Variants in TMEM255B observed in about 807,000 individuals in gnomAD.
TMEM255B encodes the protein family with sequence similarity 70, member B.
TMEM255B carries 35 observed loss-of-function variants against 34.5 expected under a neutral mutation model. The observed-to-expected ratio is 1.01, with a 90% CI of 0.77 to 1.34. The LOEUF (loss-of-function observed/expected upper bound fraction) is 1.34. Ranked by LOEUF, TMEM255B falls within the 40% of genes most tolerant of loss-of-function variation. TMEM255B has a pLI of 0.00. For missense variants in TMEM255B, 432 were observed against 433.2 expected, an observed-to-expected ratio of 1.00 and a Z score of 0.02; for synonymous variants, 206 against 201.2, an observed-to-expected ratio of 1.02 and a Z score of -0.20.
intron 8 of TMEM255B, among the ~76,000 whole-genome samples, chr13:113,805,875 G>A (rs910542891): frequency 2.6e-5 from 4 of 152,220 alleles, no homozygotes; most frequent in East Asian, 1.9e-4. Context: ...CCACATGCCC[G>A]GCTGACTGGC....
At chr13:113,809,474 G>A (rs1402988100) in intron 8 of TMEM255B, among the ~76,000 whole-genome samples, 1 of 85,080 alleles carries the variant, frequency 1.2e-5, no homozygotes, top group Non-Finnish European at 2.2e-5. Flanking sequence ...GTTCCTGGGG[G>A]TTTAACTCTG....
chr13:113,784,507 C>CAGAG (rs1003761208), intron 3 of TMEM255B, among the ~76,000 whole-genome samples: 7 of 146,758 alleles, frequency 4.8e-5, no homozygotes, highest in Non-Finnish European at 9.0e-5. Context: ...GTGAGGAAGA[C>CAGAG]AGAGAGAGAG....
At chr13:113,771,150 C>A (rs1156884584) in intron 3 of TMEM255B, among the ~76,000 whole-genome samples, 2 of 152,130 alleles carry the variant, frequency 1.3e-5, no homozygotes, top group Admixed American at 1.3e-4. Flanking sequence ...CTTCTCTTAG[C>A]ACCCTACCTA....
chr13:113,774,979 TCACA>T (rs534203606), intron 3 of TMEM255B, among the ~76,000 whole-genome samples: 1 of 87,952 alleles, frequency 1.1e-5, no homozygotes, highest in African/African-American at 4.4e-5. Flanking sequence ...ACAATGCACA[TCACA>T]CACACCACAC....
chr13:113,787,431 G>A (rs1054431766), intron 3 of TMEM255B, among the ~76,000 whole-genome samples: 2 of 152,222 alleles, frequency 1.3e-5, no homozygotes, highest in African/African-American at 2.4e-5. Flanking sequence ...CCTGAGTGGT[G>A]CGGCTTCTCT....
At chr13:113,793,541 G>C (rs1343795443) in intron 3 of TMEM255B, among the ~76,000 whole-genome samples, 4 of 152,134 alleles carry the variant, frequency 2.6e-5, no homozygotes, top group African/African-American at 9.7e-5. Flanking sequence ...TGCCGGTCTG[G>C]GACCCACCCA....
chr13:113,763,739 G>A (rs2050344439), intron 1 of TMEM255B, among the ~76,000 whole-genome samples: 1 of 152,218 alleles, frequency 6.6e-6, no homozygotes, highest in African/African-American at 2.4e-5. Context: ...CTTCTGAGCA[G>A]CGTAAAAATC....
intron 3 of TMEM255B, among the ~76,000 whole-genome samples, chr13:113,777,523 T>TCTCTGGGGGCAGCTCCCCCAGCGCTGTGC: frequency 6.6e-6 from 1 of 152,242 alleles, no homozygotes; most frequent in East Asian, 1.9e-4. Context: ...CCCGGCTGTG[T>TCTCTGGGGGCAGCTCCCCCAGCGCTGTGC]CTCTGGGGGC....
chr13:113,799,230 C>T (rs2050996781), intron 4 of TMEM255B, 109 bp from the exon 5 acceptor site: 1 of 993,392 alleles, frequency 1.0e-6, no homozygotes, highest in Admixed American at 2.1e-5. Flanking sequence ...TGGTGTTGGC[C>T]TTGGTCCTTG....
chr13:113,777,167 A>G (rs1427415813), intron 3 of TMEM255B, among the ~76,000 whole-genome samples: 1 of 151,780 alleles, frequency 6.6e-6, no homozygotes, highest in Non-Finnish European at 1.5e-5. Context: ...TTCTGTGGCC[A>G]CTCCGCAGGG....
chr13:113,812,176 C>T lies in TMEM255B; in HGVS notation c.*273C>T, dbSNP rs1182961646. The T allele has an allele frequency of 1.2e-5, 6 of 510,356 alleles. No homozygotes were observed. The highest frequency in any genetic ancestry group is 1.7e-5 in the Non-Finnish European group (5 of 292,304). 31.6% of individuals were successfully genotyped at this position (510,356 alleles called of 1,614,324 possible). ...CCCACCCGGCCTCCTCCTCTGAGAG[C>T]AATTGTTCTGGTGTTTTCACATCCC... is the stretch of plus-strand genomic sequence containing the variant. On this transcript the variant is annotated 3_prime_UTR_variant, in exon 9 of 9. Coordinates refer to ENST00000375353, the MANE Select transcript of TMEM255B (RefSeq NM_182614.4).
chr13:113,815,045 G>A lies in TMEM255B; in HGVS notation c.*3142G>A, dbSNP rs1440263219. ...TGTGACTGAGGAGGGCAGGGTCAGAGCATTGCCCTGGGCAGGGGTCCGTTG... is the reference window on the plus strand; with the variant it reads ...TGTGACTGAGGAGGGCAGGGTCAGAACATTGCCCTGGGCAGGGGTCCGTTG... On this transcript the variant is annotated 3_prime_UTR_variant, in exon 9 of 9. Transcript: ENST00000375353. The A allele has an allele frequency of 6.6e-6, 1 of 152,124 alleles. No homozygotes were observed. Among genetic ancestry groups the A allele is most frequent in the African/African-American group, 2.4e-5 (1 of 41,392 alleles). 9.4% of individuals were successfully genotyped at this position (152,124 alleles called of 1,614,324 possible).
rs753006616 is a variant in TMEM255B, at chr13:113,799,907, G to C, written c.423+488G>C. 62 of 1,243,752 alleles carry C rather than the reference G, an allele frequency of 5.0e-5. 1 individual carries two copies. Among genetic ancestry groups the C allele is most frequent in the Non-Finnish European group, 6.3e-5 (59 of 932,700 alleles). 77.0% of individuals were successfully genotyped at this position (1,243,752 alleles called of 1,614,324 possible). On this transcript the variant is annotated intron_variant, in intron 5 of 8. Coordinates refer to ENST00000375353, the MANE Select transcript of TMEM255B (RefSeq NM_182614.4). ...GCACAGCTCTGTGACGGCGCTCTCTGTGTGTCTCGCACCTGCCCTGTGTGG... is the reference window on the plus strand; with the variant it reads ...GCACAGCTCTGTGACGGCGCTCTCTCTGTGTCTCGCACCTGCCCTGTGTGG...
intron 2 of TMEM255B, among the ~76,000 whole-genome samples, chr13:113,767,402 T>C (rs1299721996): frequency 1.3e-5 from 2 of 152,232 alleles, no homozygotes; most frequent in Non-Finnish European, 2.9e-5. Context: ...TTCTGCTTCC[T>C]GGGCAGAAAG....
chr13:113,797,225 C>T (rs1228576139), intron 4 of TMEM255B, among the ~76,000 whole-genome samples: 2 of 152,248 alleles, frequency 1.3e-5, no homozygotes, highest in Non-Finnish European at 2.9e-5. Context: ...CAAAGCAGGG[C>T]CCCTGGCCGG....
chr13:113,769,297 G>C lies in TMEM255B; in HGVS notation c.252+137G>C. 2 of 885,676 alleles carry C rather than the reference G, an allele frequency of 2.3e-6. No individual in the cohort carries two copies. Among genetic ancestry groups the C allele is most frequent in the Non-Finnish European group, 3.7e-6 (2 of 547,324 alleles). The allele number at this position is 885,676 out of a possible 1,614,324, so 54.9% of individuals were successfully genotyped here. The stretch of plus-strand genomic sequence containing the variant: ...ACAGGACCAGCTCTGAGGTTCCCGG[G>C]CTGTGGCCTGCACAGTCCTGGATAC... On this transcript the variant is annotated intron_variant, in intron 3 of 8. Transcript: ENST00000375353. The surrounding 1 kb of genome is among the most constrained non-coding windows in gnomAD (Gnocchi z 4.2).
At position 113,813,005 on chromosome 13, in the gene TMEM255B, A is replaced by ACGGGTCCCGG. The variant is rs2051356833; in HGVS notation, c.*1102_*1103insCGGGTCCCGG. The ACGGGTCCCGG allele has an allele frequency of 2.9e-5, 3 of 104,124 alleles. No homozygotes were observed. The highest frequency in any genetic ancestry group is 3.1e-4 in the South Asian group (1 of 3,250). The allele number at this position is 104,124 out of a possible 1,614,324, so 6.5% of individuals were successfully genotyped here. On this transcript the variant is annotated 3_prime_UTR_variant, in exon 9 of 9. Transcript: ENST00000375353. ...GGTCCCGGGTGGGTCACGGGTCCCGAGTGGGTCACGGGTCCCGGGTGGGTC... is the reference window on the plus strand; with the variant it reads ...GGTCCCGGGTGGGTCACGGGTCCCGACGGGTCCCGGGTGGGTCACGGGTCCCGGGTGGGTC...
chr13:113,761,098 CTGAG>C, intron 1 of TMEM255B: 1 of 791,856 alleles, frequency 1.3e-6, no homozygotes, highest in South Asian at 5.8e-5. Flanking sequence ...GAATTGACGG[CTGAG>C]TGATTACAGT....
In TMEM255B at chr13:113,768,169, C is replaced by T. The variant is rs189359008; in HGVS notation, c.190-929C>T. 3.0e-5 allele frequency: 14 copies of T among 468,940 alleles called. No individual in the cohort carries two copies. The East Asian group carries it at 4.9e-4, about 16-fold the overall frequency. 29.0% of individuals were successfully genotyped at this position (468,940 alleles called of 1,614,324 possible). On this transcript the variant is annotated intron_variant, in intron 2 of 8. Coordinates refer to ENST00000375353, the MANE Select transcript of TMEM255B (RefSeq NM_182614.4). ...TCCAACAGACACTCACTGGGAAGTG[C>T]GACCGGCCCGGCGCACCTGCGTGGG...
Sources: allele counts gnomAD v4.1 joint callset (sites outside exome capture counted in the v4.1 genomes callset), GRCh38; gene constraint gnomAD v4.1.1; non-coding constraint Gnocchi (gnomAD v3.1); transcripts MANE v1.5; gene names NCBI Gene and HGNC (gene_info 2026-07-23, HGNC 2026-07-21).